LONRF2: variants seen among roughly 807,000 people sequenced by gnomAD.
LONRF2 encodes LON peptidase N-terminal domain and ring finger 2.
A neutral mutation model predicts 66.6 loss-of-function variants in LONRF2; 35 were observed. The ratio of observed to expected loss-of-function variants is 0.53; its 90% confidence interval spans 0.40 to 0.70. LONRF2 has a LOEUF of 0.70. Ranked by LOEUF, LONRF2 falls within the 30% of genes least tolerant of loss-of-function variation. LONRF2 has a pLI of 0.00. For synonymous variants in LONRF2, 417 were observed against 418.1 expected (o/e 1.00, Z 0.03); for missense variants, 902 against 1,002.1 (o/e 0.90, Z 1.35).
chr2:100,289,898 G>A (rs1384867747), intron 10 of LONRF2, among the ~76,000 whole-genome samples: 1 of 152,176 alleles, frequency 6.6e-6, no homozygotes, highest in East Asian at 1.9e-4. Context: ...GAGCCCAGGA[G>A]TTTGAGACCA....
intron 9 of LONRF2, among the ~76,000 whole-genome samples, chr2:100,293,613 G>C (rs1675004853): frequency 6.6e-6 from 1 of 152,184 alleles, no homozygotes; most frequent in African/African-American, 2.4e-5. Context: ...CTGCTGGCTT[G>C]CAACACCCTC....
chr2:100,309,299 A>G lies in LONRF2; in HGVS notation c.680-74T>C. 6.9e-6 allele frequency: 6 copies of G among 866,504 alleles called. No homozygotes were observed. In the South Asian group the frequency reaches 9.6e-5, roughly 14 times the overall value. The allele number at this position is 866,504 out of a possible 1,614,324, so 53.7% of individuals were successfully genotyped here. A position where few individuals can be genotyped will look rare whatever the true frequency, so the allele number is the denominator to read the frequency against. On this transcript the variant is annotated intron_variant, in intron 1 of 11. Coordinates refer to ENST00000393437, the MANE Select transcript of LONRF2 (RefSeq NM_198461.4). ...ACAAGTAATCTTAATGTCATTACAT[A>G]TATTAAAGTGTATATATACATATGT...
At chr2:100,290,496 A>C (rs1378774187) in intron 9 of LONRF2, 76 bp from the exon 10 acceptor site, 2 of 1,452,888 alleles carry the variant, frequency 1.4e-6, no homozygotes, top group Admixed American at 4.1e-5. Context: ...ATGAGAGTTT[A>C]CTTTTAAAAG....
Position 100,280,393 on chromosome 2 carries a change from A to G in LONRF2, c.*3905T>C, listed in dbSNP as rs965418778. ...TTCCCTGGGAATTAGTTTTTGGTGA[A>G]CAATAGAATCAGAATGTGGCCTTTG... On this transcript the variant is annotated 3_prime_UTR_variant, in exon 12 of 12. Transcript: ENST00000393437. The G allele has an allele frequency of 6.6e-6, 1 of 152,178 alleles. No individual in the cohort carries two copies. Among genetic ancestry groups the G allele is most frequent in the African/African-American group, 2.4e-5 (1 of 41,428 alleles). The allele number at this position is 152,178 out of a possible 1,614,324, so 9.4% of individuals were successfully genotyped here.
chr2:100,300,790 A>G lies in LONRF2; in HGVS notation c.922-3T>C. ...GAAAACAGCACTTCACACATTACCTATAAAATTGCCAAGAAAAGAAAAAAT... is the reference window on the plus strand; with the variant it reads ...GAAAACAGCACTTCACACATTACCTGTAAAATTGCCAAGAAAAGAAAAAAT... On this transcript the variant is annotated splice_polypyrimidine_tract_variant and splice_region_variant and intron_variant, in intron 3 of 11. Coordinates refer to ENST00000393437, the MANE Select transcript of LONRF2 (RefSeq NM_198461.4). The G allele has an allele frequency of 5.7e-6, 9 of 1,576,286 alleles. No homozygotes were observed. The highest frequency in any genetic ancestry group is 7.7e-6 in the Non-Finnish European group (9 of 1,167,586).
chr2:100,289,396 C>T (rs1288564552), intron 10 of LONRF2, among the ~76,000 whole-genome samples: 9 of 149,890 alleles, frequency 6.0e-5, no homozygotes, highest in Admixed American at 4.0e-4. Flanking sequence ...TTTTGCAATG[C>T]GCAGGTTTAC....
intron 1 of LONRF2, 116 bp from the exon 2 acceptor site, chr2:100,309,341 A>G (rs10195793): frequency 0.52 from 250,695 of 482,160 alleles, 66,279 homozygotes; most frequent in East Asian, 0.76. Flanking sequence ...TATAAATACA[A>G]TACAATACAA....
intron 1 of LONRF2, among the ~76,000 whole-genome samples, chr2:100,317,804 A>C (rs1675537433): frequency 6.6e-6 from 1 of 152,198 alleles, no homozygotes; most frequent in Admixed American, 6.5e-5. Flanking sequence ...AATTTTGTCT[A>C]AAAGTCAACT....
chr2:100,274,139 C>A lies in LONRF2; in HGVS notation c.*10159G>T, dbSNP rs1674549705. 6.6e-6 allele frequency: 1 copy of A among 152,164 alleles called. No homozygotes were observed. Among genetic ancestry groups the A allele is most frequent in the Admixed American group, 6.5e-5 (1 of 15,282 alleles). The allele number at this position is 152,164 out of a possible 1,614,324, so 9.4% of individuals were successfully genotyped here. A position where few individuals can be genotyped will look rare whatever the true frequency, so the allele number is the denominator to read the frequency against. On this transcript the variant is annotated 3_prime_UTR_variant, in exon 12 of 12. Transcript: ENST00000393437. The stretch of plus-strand genomic sequence containing the variant: ...TTCATCCTTCAAAGGTCACATGCGC[C>A]AACCAGCCGAGACTCATGACAGTAA...
intron 1 of LONRF2, among the ~76,000 whole-genome samples, chr2:100,312,280 A>C (rs1675425393): frequency 6.6e-6 from 1 of 152,074 alleles, no homozygotes; most frequent in South Asian, 2.1e-4. Flanking sequence ...ATCTTTTATA[A>C]ATATCCTTTT....
At chr2:100,287,757 G>A (rs546733238) in intron 10 of LONRF2, among the ~76,000 whole-genome samples, 1 of 152,282 alleles carries the variant, frequency 6.6e-6, no homozygotes, top group South Asian at 2.1e-4. Context: ...ACCTGGTAGA[G>A]GAGGAAGAGC....
intron 9 of LONRF2, among the ~76,000 whole-genome samples, chr2:100,290,699 G>A (rs1266181306): frequency 6.6e-6 from 1 of 152,134 alleles, no homozygotes; most frequent in Admixed American, 6.5e-5. Flanking sequence ...GGAAGGACCC[G>A]AGAGATGGGA....
intron 7 of LONRF2, among the ~76,000 whole-genome samples, 192 bp from the exon 8 acceptor site, chr2:100,295,745 G>T (rs1675053458): frequency 1.3e-5 from 2 of 152,144 alleles, no homozygotes; most frequent in Admixed American, 1.3e-4. Flanking sequence ...AAAAGGCCAG[G>T]AGGAGGCGTT....
chr2:100,314,034 T>C (rs2104210997), intron 1 of LONRF2, among the ~76,000 whole-genome samples: 1 of 152,226 alleles, frequency 6.6e-6, no homozygotes, highest in Non-Finnish European at 1.5e-5. Context: ...TCCCCAAATG[T>C]TTCTGGCATA....
At chr2:100,301,865 T>G (rs754269968) in intron 3 of LONRF2, among the ~76,000 whole-genome samples, 2 of 152,236 alleles carry the variant, frequency 1.3e-5, no homozygotes, top group Non-Finnish European at 2.9e-5. Flanking sequence ...CAGGCAGGGA[T>G]AGCTGAATAG....
intron 2 of LONRF2, 39 bp from the exon 3 acceptor site, chr2:100,303,082 C>T: frequency 6.5e-7 from 1 of 1,532,992 alleles, no homozygotes; most frequent in Non-Finnish European, 8.8e-7. Flanking sequence ...TTTTAAAACC[C>T]AGCATGATTA....
intron 2 of LONRF2, among the ~76,000 whole-genome samples, chr2:100,305,836 A>G (rs1291142482): frequency 1.3e-5 from 2 of 152,096 alleles, no homozygotes; most frequent in African/African-American, 4.8e-5. Flanking sequence ...GCTTTTGTGG[A>G]GCCTGAATCT....
intron 1 of LONRF2, among the ~76,000 whole-genome samples, chr2:100,320,244 C>T (rs1290190392): frequency 6.6e-6 from 1 of 152,126 alleles, no homozygotes; most frequent in East Asian, 1.9e-4. Context: ...CACAATAGTT[C>T]TAATTGGATA....
chr2:100,306,600 G>T (rs77485843), intron 2 of LONRF2, among the ~76,000 whole-genome samples: 1,919 of 152,272 alleles, frequency 0.013, 53 homozygotes, highest in African/African-American at 0.044. Context: ...TGCTCCAAAA[G>T]CTTTGAATCA....
Sources: allele counts gnomAD v4.1 joint callset (sites outside exome capture counted in the v4.1 genomes callset), GRCh38; gene constraint gnomAD v4.1.1; transcripts MANE v1.5; gene names NCBI Gene and HGNC (gene_info 2026-07-23, HGNC 2026-07-21).